Variants in TRPC3 observed in about 807,000 individuals in gnomAD.
TRPC3 encodes the protein transient receptor potential cation channel subfamily C member 3, also known as short transient receptor potential channel 3.
A neutral mutation model predicts 90.9 loss-of-function variants in TRPC3; 54 were observed. The ratio of observed to expected loss-of-function variants is 0.59; its 90% CI spans 0.48 to 0.75. The LOEUF is 0.75. Ranked by LOEUF, TRPC3 falls within the 30% of genes least tolerant of loss-of-function variation. The probability of loss-of-function intolerance (pLI) is 0.00; values close to 1 mark genes in which losing one functional copy is unlikely to be tolerated. For missense variants in TRPC3, 918 were observed against 1,194.5 expected (o/e 0.77, Z 3.41); for synonymous variants, 424 against 450.9 (o/e 0.94, Z 0.75).
chr4:121,921,162 T>A (rs1210989685), intron 3 of TRPC3, among the ~76,000 whole-genome samples: 1 of 152,192 alleles, frequency 6.6e-6, no homozygotes, highest in African/African-American at 2.4e-5. Flanking sequence ...CTGGGAATCC[T>A]GAGCCCAGTT....
At position 121,912,058 on chromosome 4, in the gene TRPC3, A is replaced by G; in HGVS notation, c.1377T>C (p.Phe459=). Residue 459 remains phenylalanine, a synonymous_variant, in exon 5 of 12, where the codon TTT becomes TTC. Coordinates refer to ENST00000379645, the MANE Select transcript of TRPC3 (RefSeq NM_001130698.2). ...GKILRSPFMK[F]VAHAASFIIF... is the part of the protein sequence containing the mutation. ...TGATGAAAGAAGCTGCATGTGCTAC[A>G]AACTTCATAAAAGGGCTTCGCAGAA... 1 of 1,613,796 alleles carries G rather than the reference A, an allele frequency of 6.2e-7. No homozygotes were observed.
Position 121,910,396 on chromosome 4 carries a change from A to G in TRPC3, c.1559-9T>C, listed in dbSNP as rs779957313. On this transcript the variant is annotated splice_polypyrimidine_tract_variant and intron_variant, in intron 5 of 11. Coordinates refer to ENST00000379645, the MANE Select transcript of TRPC3 (RefSeq NM_001130698.2). ...TTCAGACCACATCATTCCTGTCACA[A>G]CAAATACAGAGGGTGCAGGTCAGAT... The G allele has an allele frequency of 6.2e-7, 1 of 1,610,144 alleles. No individual in the cohort carries two copies. The highest frequency in any genetic ancestry group is 8.5e-7 in the Non-Finnish European group (1 of 1,176,916).
chr4:121,889,326 C>A (rs539914914), intron 10 of TRPC3, among the ~76,000 whole-genome samples: 1 of 152,258 alleles, frequency 6.6e-6, no homozygotes, highest in East Asian at 1.9e-4. Flanking sequence ...AACTACACAT[C>A]TGACAAGGGG....
At chr4:121,910,639 G>A (rs1424049518) in intron 5 of TRPC3, among the ~76,000 whole-genome samples, 3 of 152,112 alleles carry the variant, frequency 2.0e-5, no homozygotes, top group African/African-American at 7.2e-5. Context: ...TGGCACCAGA[G>A]ATGTCTCTAT....
intron 8 of TRPC3, 35 bp downstream of exon 8, chr4:121,904,287 C>T (rs756592028): frequency 1.9e-5 from 29 of 1,562,612 alleles, no homozygotes; most frequent in Admixed American, 1.0e-4. Context: ...AATAGGATGA[C>T]AAGGATAGAT....
intron 10 of TRPC3, among the ~76,000 whole-genome samples, chr4:121,886,419 G>T (rs1421725857): frequency 6.6e-6 from 1 of 152,068 alleles, no homozygotes; most frequent in East Asian, 1.9e-4. Flanking sequence ...AAAGGAAAAG[G>T]ACCTTGGGAA....
chr4:121,915,217 G>A (rs1729267790), intron 3 of TRPC3, among the ~76,000 whole-genome samples: 1 of 152,156 alleles, frequency 6.6e-6, no homozygotes, highest in Non-Finnish European at 1.5e-5. Flanking sequence ...AACCCTCCAT[G>A]ATTCACAGAT....
intron 1 of TRPC3, among the ~76,000 whole-genome samples, chr4:121,936,354 A>T (rs1307012035): frequency 6.6e-6 from 1 of 152,166 alleles, no homozygotes; most frequent in Non-Finnish European, 1.5e-5. Flanking sequence ...GTTAACACTA[A>T]AATTATTTTG....
At chr4:121,942,541 C>T (rs557809990) in intron 1 of TRPC3, among the ~76,000 whole-genome samples, 6 of 152,176 alleles carry the variant, frequency 3.9e-5, no homozygotes, top group Non-Finnish European at 7.3e-5. Flanking sequence ...TGCACTCCAG[C>T]CTGGGTGACA....
At chr4:121,924,001 T>C (rs1255256439) in intron 3 of TRPC3, among the ~76,000 whole-genome samples, 1 of 152,256 alleles carries the variant, frequency 6.6e-6, no homozygotes, top group Non-Finnish European at 1.5e-5. Context: ...TTGTGAATTA[T>C]TTAAAAGCCC....
chr4:121,902,709 TA>T, intron 9 of TRPC3, 142 bp downstream of exon 9: 2 of 586,286 alleles, frequency 3.4e-6, no homozygotes, highest in South Asian at 5.7e-5. Context: ...TATTTAGTAT[TA>T]GTCTGTGAAA....
chr4:121,942,840 C>A (rs1730365542), intron 1 of TRPC3, among the ~76,000 whole-genome samples: 1 of 152,192 alleles, frequency 6.6e-6, no homozygotes, highest in Non-Finnish European at 1.5e-5. Context: ...AAGTGAGGAC[C>A]CTTAGCCATT....
At chr4:121,886,710 T>A (rs535268348) in intron 10 of TRPC3, among the ~76,000 whole-genome samples, 1 of 152,326 alleles carries the variant, frequency 6.6e-6, no homozygotes, top group East Asian at 1.9e-4. Context: ...TTTTTTTGTT[T>A]TTTGTTTTTT....
chr4:121,908,677 T>C (rs1728972336), intron 6 of TRPC3, among the ~76,000 whole-genome samples: 1 of 152,008 alleles, frequency 6.6e-6, no homozygotes, highest in Non-Finnish European at 1.5e-5. Context: ...AGCTAAATAG[T>C]GGGTATTCAT....
At chr4:121,895,248 TA>T (rs1299548350) in intron 10 of TRPC3, among the ~76,000 whole-genome samples, 2 of 148,826 alleles carry the variant, frequency 1.3e-5, no homozygotes, top group African/African-American at 5.0e-5. Context: ...ATGATGCACA[TA>T]AAGGGAAAAA....
At chr4:121,902,710 A>C (rs1005907265) in intron 9 of TRPC3, 142 bp downstream of exon 9, 37 of 585,622 alleles carry the variant, frequency 6.3e-5, no homozygotes, top group Non-Finnish European at 1.0e-4. Context: ...ATTTAGTATT[A>C]GTCTGTGAAA....
intron 2 of TRPC3, 152 bp from the exon 3 acceptor site, chr4:121,925,358 G>T: frequency 1.3e-6 from 1 of 783,630 alleles, no homozygotes; most frequent in Non-Finnish European, 1.9e-6. Flanking sequence ...AATACAGGCT[G>T]GATTTGCACC....
In TRPC3 at chr4:121,875,225, A is replaced by G. The variant is rs1271634251; in HGVS notation, c.*4511T>C. Among the ~76,000 whole-genome samples, 2 of 152,158 alleles carry G rather than the reference A, an allele frequency of 1.3e-5. No homozygotes were observed. The highest frequency in any genetic ancestry group is 4.8e-5 in the African/African-American group (2 of 41,460). On this transcript the variant is annotated 3_prime_UTR_variant, in exon 12 of 12. Transcript: ENST00000379645. ...TGTTCAATTAATTGTGTAGAAGGAA[A>G]GTAAAAGTTTATTTTGAAGCTCAAA...
chr4:121,907,186 A>T, intron 7 of TRPC3, 117 bp downstream of exon 7: 1 of 1,001,844 alleles, frequency 1.0e-6, no homozygotes, highest in Non-Finnish European at 1.5e-6. Context: ...TTTTTGATGG[A>T]TTATTTTCTG....
Sources: gnomAD v4.1 joint callset for allele counts (sites outside exome capture counted in the v4.1 genomes callset) on GRCh38, gnomAD v4.1.1 for gene constraint, MANE v1.5 for transcripts, NCBI Gene and HGNC (gene_info 2026-07-23, HGNC 2026-07-21) for gene names.